P3H2: variants seen among roughly 807,000 people sequenced by gnomAD.
P3H2 encodes leprecan-like 1.
A neutral mutation model predicts 87.0 loss-of-function variants in P3H2; 80 were observed. The ratio of observed to expected loss-of-function variants is 0.92; its 90% confidence interval spans 0.77 to 1.11. The LOEUF (loss-of-function observed/expected upper bound fraction) is 1.11, where lower values mean the gene tolerates loss of function less well. P3H2 is among the 50% of genes least tolerant of loss of function. The pLI is 0.00. For missense variants in P3H2, 1,001 were observed against 923.9 expected (o/e 1.08, Z -1.08); for synonymous variants, 367 against 359.3 (o/e 1.02, Z -0.24).
At chr3:190,087,480 C>A (rs1334364456) in intron 1 of P3H2, among the ~76,000 whole-genome samples, 3 of 140,276 alleles carry the variant, frequency 2.1e-5, no homozygotes, top group Non-Finnish European at 4.6e-5. Flanking sequence ...GGAGGCGGAG[C>A]TTGCAGTGAG....
chr3:190,082,166 G>A (rs1727064997), intron 1 of P3H2, among the ~76,000 whole-genome samples: 1 of 152,158 alleles, frequency 6.6e-6, no homozygotes, highest in African/African-American at 2.4e-5. Context: ...TGAGGCAGGA[G>A]AATCACCTGA....
intron 1 of P3H2, among the ~76,000 whole-genome samples, chr3:190,000,651 G>A (rs190980179): frequency 7.8e-4 from 119 of 152,290 alleles, no homozygotes; most frequent in African/African-American, 2.8e-3. Context: ...GGCATGAACC[G>A]AACAAGAGGA....
intron 1 of P3H2, among the ~76,000 whole-genome samples, chr3:190,061,884 G>A (rs1293076591): frequency 1.3e-5 from 2 of 152,096 alleles, no homozygotes. Flanking sequence ...CCAGGCTTTT[G>A]TTTCTTTTCT....
Position 189,957,668 on chromosome 3 carries a change from C to T in P3H2, c.*244G>A, listed in dbSNP as rs1577237779. The T allele has an allele frequency of 3.7e-6, 2 of 545,088 alleles. No homozygotes were observed. The highest frequency in any genetic ancestry group is 6.5e-6 in the Non-Finnish European group (2 of 306,612). The allele number at this position is 545,088 out of a possible 1,614,324, so 33.8% of individuals were successfully genotyped here. A position where few individuals can be genotyped will look rare whatever the true frequency, so the allele number is the denominator to read the frequency against. ...TCTGTGAATAGCCACTGCCCTATAT[C>T]CTAGACAACATGGTTAGACCATGTC... is the stretch of plus-strand genomic sequence containing the variant. On this transcript the variant is annotated 3_prime_UTR_variant, in exon 15 of 15. Transcript: ENST00000319332.
intron 1 of P3H2, among the ~76,000 whole-genome samples, chr3:190,068,714 G>A (rs1281594418): frequency 6.6e-6 from 1 of 152,048 alleles, no homozygotes; most frequent in Non-Finnish European, 1.5e-5. Context: ...GCGATTTCCT[G>A]AGGGAGAAGG....
At chr3:190,010,896 A>G (rs1724565596) in intron 1 of P3H2, among the ~76,000 whole-genome samples, 1 of 152,218 alleles carries the variant, frequency 6.6e-6, no homozygotes, top group Non-Finnish European at 1.5e-5. Flanking sequence ...GATCAATGAC[A>G]ATGCTGGCAA....
chr3:190,114,627 C>T (rs980499251), intron 1 of P3H2, among the ~76,000 whole-genome samples: 2 of 152,098 alleles, frequency 1.3e-5, no homozygotes, highest in African/African-American at 4.8e-5. Flanking sequence ...GCACACGGGA[C>T]CTAAAATCTA....
chr3:190,108,859 T>C (rs1220765679), intron 1 of P3H2, among the ~76,000 whole-genome samples: 2 of 152,358 alleles, frequency 1.3e-5, no homozygotes, highest in Admixed American at 6.5e-5. Flanking sequence ...TTTGTTTTTT[T>C]AGAGGGGAAT....
chr3:190,007,956 G>T (rs1724438338), intron 1 of P3H2, among the ~76,000 whole-genome samples: 2 of 10,978 alleles, frequency 1.8e-4, no homozygotes, highest in Admixed American at 1.4e-3. Flanking sequence ...GACTCTATTT[G>T]TTGACACACA....
At chr3:189,998,191 G>A (rs1724107188) in intron 1 of P3H2, among the ~76,000 whole-genome samples, 1 of 152,052 alleles carries the variant, frequency 6.6e-6, no homozygotes, top group Non-Finnish European at 1.5e-5. Context: ...AATATAAGAG[G>A]ATAGAGTAGG....
At chr3:189,987,027 C>G (rs1448724576) in intron 5 of P3H2, 150 bp from the exon 6 acceptor site, 1 of 645,606 alleles carries the variant, frequency 1.5e-6, no homozygotes, top group South Asian at 1.8e-5. Flanking sequence ...TCTCAACATA[C>G]TTTCACACGC....
upstream of P3H2, among the ~76,000 whole-genome samples, chr3:190,121,378 A>G (rs1406810625): frequency 6.6e-6 from 1 of 152,082 alleles, no homozygotes; most frequent in African/African-American, 2.4e-5. Flanking sequence ...AATAGAAAAA[A>G]AACCCATAGA....
At chr3:190,065,118 C>T (rs1342010274) in intron 1 of P3H2, among the ~76,000 whole-genome samples, 1 of 152,150 alleles carries the variant, frequency 6.6e-6, no homozygotes, top group Non-Finnish European at 1.5e-5. Flanking sequence ...ACCGAGTCTC[C>T]CCAAGGCAAT....
intron 14 of P3H2, among the ~76,000 whole-genome samples, chr3:189,960,669 A>G (rs1398859835): frequency 6.6e-6 from 1 of 152,216 alleles, no homozygotes; most frequent in Non-Finnish European, 1.5e-5. Context: ...TATTTCTCCA[A>G]TTTGACTTCA....
At chr3:190,021,762 C>T (rs1330081083) in intron 1 of P3H2, among the ~76,000 whole-genome samples, 1 of 134,422 alleles carries the variant, frequency 7.4e-6, no homozygotes, top group Non-Finnish European at 1.7e-5. Flanking sequence ...CTTTCATGTG[C>T]CAGGCATAAT....
intron 1 of P3H2, among the ~76,000 whole-genome samples, chr3:190,041,031 TATATATACACACACACACACACACAC>T (rs1432897771): frequency 5.8e-5 from 3 of 51,686 alleles, no homozygotes; most frequent in African/African-American, 2.0e-4. Context: ...TATATATATA[TATATATACACACACACACACACACAC>T]ACACACACAC....
At chr3:189,967,084 G>A (rs904742175) in intron 13 of P3H2, among the ~76,000 whole-genome samples, 3 of 152,090 alleles carry the variant, frequency 2.0e-5, no homozygotes, top group Non-Finnish European at 4.4e-5. Context: ...TGTTGTTGTT[G>A]TTGCTGGTAC....
intron 1 of P3H2, among the ~76,000 whole-genome samples, chr3:190,065,125 C>G (rs1283421650): frequency 6.6e-6 from 1 of 152,190 alleles, no homozygotes; most frequent in African/African-American, 2.4e-5. Context: ...CTCCCCAAGG[C>G]AATGACAGCA....
intron 1 of P3H2, among the ~76,000 whole-genome samples, chr3:190,111,959 G>A (rs1379573377): frequency 6.6e-6 from 1 of 152,072 alleles, no homozygotes; most frequent in East Asian, 1.9e-4. Flanking sequence ...AATCGTTAAT[G>A]TCCCTAGGGT....
Sources: gnomAD v4.1 joint callset for allele counts (sites outside exome capture counted in the v4.1 genomes callset) on GRCh38, gnomAD v4.1.1 for gene constraint, MANE v1.5 for transcripts, NCBI Gene and HGNC (gene_info 2026-07-23, HGNC 2026-07-21) for gene names.